Variants in GAB3 observed in about 807,000 individuals in gnomAD.
The protein encoded by GAB3 is GRB2 associated binding protein 3.
In GAB3, 12 loss-of-function variants were observed where a neutral mutation model predicts 40.4. The ratio of observed to expected loss-of-function variants is 0.30; its 90% confidence interval spans 0.19 to 0.48. GAB3 has a LOEUF of 0.48. Among genes scored for constraint, GAB3 ranks in the 20% least tolerant of loss-of-function variants. GAB3 has a pLI of 0.99. For missense variants in GAB3, 381 were observed against 461.9 expected (o/e 0.82, Z 1.61); for synonymous variants, 154 against 176.7 (o/e 0.87, Z 1.02).
chrX:154,738,580 C>T (rs1027601467), intron 1 of GAB3, among the ~76,000 whole-genome samples: 2 of 111,777 alleles, frequency 1.8e-5, no homozygotes, highest in Non-Finnish European at 3.8e-5. Flanking sequence ...ATTGGAGTTG[C>T]TGTAATTCAT....
intron 1 of GAB3, among the ~76,000 whole-genome samples, chrX:154,741,675 CA>C (rs1206111123): frequency 0.021 from 550 of 26,491 alleles, 2 homozygotes; most frequent in African/African-American, 0.051. Context: ...GACTCCATCT[CA>C]AAAAAAAAAA....
At chrX:154,723,378 G>A (rs1307511589) in intron 1 of GAB3, among the ~76,000 whole-genome samples, 1 of 111,700 alleles carries the variant, frequency 9.0e-6, no homozygotes, top group Non-Finnish European at 1.9e-5. Flanking sequence ...TATGCTCAAT[G>A]TCCAGCATCA....
chrX:154,746,052 C>CAAAAAAAA (rs201582710), intron 1 of GAB3, among the ~76,000 whole-genome samples: 14 of 31,273 alleles, frequency 4.5e-4, no homozygotes, highest in African/African-American at 7.0e-4. Context: ...AACTCCATCT[C>CAAAAAAAA]AAAAAAAAAA....
Position 154,678,166 on chromosome X carries a change from A to T in GAB3, c.*12T>A. 4 of 993,454 alleles carry T rather than the reference A, an allele frequency of 4.0e-6. No individual in the cohort carries two copies. Among genetic ancestry groups the T allele is most frequent in the Non-Finnish European group, 5.7e-6 (4 of 703,789 alleles). The allele number at this position is 993,454 out of a possible 1,213,427, so 81.9% of individuals were successfully genotyped here. A position where few individuals can be genotyped will look rare whatever the true frequency, so the allele number is the denominator to read the frequency against. On this transcript the variant is annotated 3_prime_UTR_variant, in exon 10 of 10. Coordinates refer to ENST00000424127, the MANE Select transcript of GAB3 (RefSeq NM_001081573.3). ...GCTTCCCTGTTTCACACATGGCACA[A>T]GCCCGCACCTCTCATACTTTGGATT...
intron 2 of GAB3, among the ~76,000 whole-genome samples, chrX:154,714,999 C>G (rs1444085197): frequency 8.9e-6 from 1 of 112,259 alleles, no homozygotes; most frequent in Non-Finnish European, 1.9e-5. Context: ...CAATGCTCAG[C>G]AATATTATTG....
intron 1 of GAB3, among the ~76,000 whole-genome samples, chrX:154,739,793 A>G (rs192997269): frequency 4.5e-5 from 5 of 112,173 alleles, no homozygotes; most frequent in Admixed American, 3.8e-4. Flanking sequence ...TTTTAAAACT[A>G]AGTCAAAAGT....
chrX:154,696,054 G>T, intron 7 of GAB3, 35 bp from the exon 8 acceptor site: 1 of 853,018 alleles, frequency 1.2e-6, no homozygotes, highest in Non-Finnish European at 1.7e-6. Context: ...TCAAAGCAAT[G>T]TCTTACAGCT....
chrX:154,750,778 C>T (rs936780031), intron 1 of GAB3, among the ~76,000 whole-genome samples, 176 bp downstream of exon 1: 1 of 111,867 alleles, frequency 8.9e-6, no homozygotes, highest in Non-Finnish European at 1.9e-5. Flanking sequence ...CCTAGCACAG[C>T]GGCGAAGCTG....
At chrX:154,735,102 A>C (rs955909608) in intron 1 of GAB3, among the ~76,000 whole-genome samples, 3 of 112,335 alleles carry the variant, frequency 2.7e-5, no homozygotes, top group African/African-American at 9.7e-5. Context: ...CTATATATCC[A>C]TATCTAATTT....
chrX:154,699,026 C>T (rs1233472468), intron 6 of GAB3, among the ~76,000 whole-genome samples: 2 of 111,241 alleles, frequency 1.8e-5, no homozygotes, highest in Non-Finnish European at 3.8e-5. Flanking sequence ...CAGCCAAAGA[C>T]GAGCCCTCTG....
intron 8 of GAB3, among the ~76,000 whole-genome samples, chrX:154,690,756 A>G (rs1381498283): frequency 2.7e-5 from 3 of 111,254 alleles, no homozygotes; most frequent in African/African-American, 9.9e-5. Flanking sequence ...ATCATTAAAA[A>G]GTCAGGAAAC....
rs2148502324 is a variant in GAB3, at chrX:154,750,967, T to C, written c.59A>G (p.Lys20Arg). Residue 20 changes from lysine to arginine, a missense_variant, in exon 1 of 10, where the codon AAG becomes AGG. Transcript: ENST00000424127. ...GCCCCTACTCACGTAGCGCTGTAGCTTCCTCTCGGGGGGCGACTTAACGAG... is the reference window on the plus strand; with the variant it reads ...GCCCCTACTCACGTAGCGCTGTAGCCTCCTCTCGGGGGGCGACTTAACGAG... ...GWLVKSPPER[K>R]LQRYAWRKRW... 1.2e-6 allele frequency: 1 copy of C among 813,080 alleles called. No individual in the cohort carries two copies. Among genetic ancestry groups the C allele is most frequent in the Non-Finnish European group, 1.5e-6 (1 of 670,764 alleles). The allele number at this position is 813,080 out of a possible 1,213,427, so 67.0% of individuals were successfully genotyped here. A position where few individuals can be genotyped will look rare whatever the true frequency, so the allele number is the denominator to read the frequency against.
At chrX:154,705,677 A>C (rs1292494618) in intron 4 of GAB3, among the ~76,000 whole-genome samples, 1 of 112,135 alleles carries the variant, frequency 8.9e-6, no homozygotes, top group East Asian at 2.8e-4. Context: ...CAAGAACTAG[A>C]AGAAGAAAAG....
intron 1 of GAB3, among the ~76,000 whole-genome samples, chrX:154,741,137 G>A (rs1557261175): frequency 9.0e-6 from 1 of 111,700 alleles, no homozygotes; most frequent in African/African-American, 3.3e-5. Flanking sequence ...TTTATAAAGG[G>A]GAGTTTCCCT....
intron 4 of GAB3, among the ~76,000 whole-genome samples, chrX:154,703,477 G>A (rs1301090811): frequency 9.0e-6 from 1 of 110,927 alleles, no homozygotes; most frequent in Non-Finnish European, 1.9e-5. Context: ...ACATAGAGGG[G>A]AGCAATAGAC....
chrX:154,747,402 G>A (rs1439930907), intron 1 of GAB3, among the ~76,000 whole-genome samples: 1 of 112,660 alleles, frequency 8.9e-6, no homozygotes, highest in Non-Finnish European at 1.9e-5. Flanking sequence ...AAATCGGTAT[G>A]CAAGAAAAGA....
chrX:154,750,702 A>G (rs2071600225), intron 1 of GAB3, among the ~76,000 whole-genome samples: 2 of 112,554 alleles, frequency 1.8e-5, no homozygotes, highest in Admixed American at 9.2e-5. Context: ...TCCCTCCGCT[A>G]GAGTCAGCGG....
chrX:154,734,120 T>C (rs2071332520), intron 1 of GAB3, among the ~76,000 whole-genome samples: 1 of 112,748 alleles, frequency 8.9e-6, no homozygotes, highest in South Asian at 3.6e-4. Flanking sequence ...ACTGATTTCT[T>C]GTTAGCACTA....
chrX:154,708,622 A>G (rs782298518), intron 4 of GAB3, among the ~76,000 whole-genome samples: 3 of 112,284 alleles, frequency 2.7e-5, no homozygotes, highest in African/African-American at 9.7e-5. Flanking sequence ...GCTCGACATC[A>G]CTAACCATCA....
Sources: gnomAD v4.1 joint callset for allele counts (sites outside exome capture counted in the v4.1 genomes callset) on GRCh38, gnomAD v4.1.1 for gene constraint, MANE v1.5 for transcripts, NCBI Gene and HGNC (gene_info 2026-07-23, HGNC 2026-07-21) for gene names.